The following AOPEP variants were observed in gnomAD, a reference collection of about 807,000 sequenced individuals.
AOPEP encodes the protein aminopeptidase O.
A neutral mutation model predicts 98.1 loss-of-function variants in AOPEP; 77 were observed. That is an observed-to-expected ratio of 0.78 (90% CI 0.65 to 0.95). The LOEUF (loss-of-function observed/expected upper bound fraction) is 0.95, where lower values mean the gene tolerates loss of function less well. Among genes scored for constraint, AOPEP ranks in the 40% least tolerant of loss-of-function variants. The probability of loss-of-function intolerance (pLI) is 0.00; values close to 1 mark genes in which losing one functional copy is unlikely to be tolerated. For missense variants in AOPEP, 1,024 were observed against 1,024.7 expected (o/e 1.00, Z 0.01); for synonymous variants, 346 against 365.3 (o/e 0.95, Z 0.60).
At chr9:94,755,982 A>G (rs890180164) in intron 1 of AOPEP, among the ~76,000 whole-genome samples, 1 of 152,014 alleles carries the variant, frequency 6.6e-6, no homozygotes, top group African/African-American at 2.4e-5. Flanking sequence ...ACCCTAGGCC[A>G]GGCAGGGTGG....
chr9:94,973,638 C>T (rs1032666798), intron 10 of AOPEP, among the ~76,000 whole-genome samples: 1 of 152,252 alleles, frequency 6.6e-6, no homozygotes, highest in African/African-American at 2.4e-5. Flanking sequence ...AAGCCACCTG[C>T]TGTTCCTCAT....
intron 5 of AOPEP, among the ~76,000 whole-genome samples, chr9:94,893,659 T>C (rs1455294447): frequency 3.9e-5 from 6 of 152,058 alleles, no homozygotes; most frequent in Admixed American, 3.3e-4. Flanking sequence ...CATAAACCCA[T>C]TGAATACAGA....
chr9:94,861,185 G>T (rs2044924334), intron 5 of AOPEP, among the ~76,000 whole-genome samples: 1 of 152,186 alleles, frequency 6.6e-6, no homozygotes, highest in Non-Finnish European at 1.5e-5. Context: ...AAGGCAAATT[G>T]TGGCTCTCGA....
intron 5 of AOPEP, among the ~76,000 whole-genome samples, chr9:94,877,138 AGGG>A (rs557256446): frequency 5.3e-4 from 80 of 152,284 alleles, no homozygotes; most frequent in Non-Finnish European, 9.3e-4. Context: ...GGGAATTTGT[AGGG>A]GAAGCTATTT....
chr9:95,049,766 A>G (rs1249259333), intron 13 of AOPEP, among the ~76,000 whole-genome samples: 2 of 152,232 alleles, frequency 1.3e-5, no homozygotes, highest in Non-Finnish European at 2.9e-5. Flanking sequence ...TAGAAAGCAC[A>G]TCTTAGGTTT....
chr9:95,126,394 C>CA, the AOPEP span: 24 of 868,916 alleles, frequency 2.8e-5, no homozygotes, highest in South Asian at 3.4e-4. Flanking sequence ...CCAAAAAGCT[C>CA]AGAGGAACAG....
intron 5 of AOPEP, among the ~76,000 whole-genome samples, chr9:94,804,416 G>T (rs561991853): frequency 4.1e-4 from 63 of 152,160 alleles, no homozygotes; most frequent in African/African-American, 1.5e-3. Flanking sequence ...ACTTATTTCA[G>T]AGTGGTTTTC....
intron 7 of AOPEP, among the ~76,000 whole-genome samples, chr9:94,946,601 A>C (rs562410971): frequency 6.6e-6 from 1 of 152,350 alleles, no homozygotes; most frequent in South Asian, 2.1e-4. Flanking sequence ...ACATCTGCGC[A>C]GTCCTCTTAG....
intron 13 of AOPEP, chr9:95,048,851 C>G (rs1448391356): frequency 6.6e-6 from 1 of 152,200 alleles, no homozygotes; most frequent in Non-Finnish European, 1.5e-5. Context: ...CAGGCAAACA[C>G]ACGTTCTGGG....
chr9:94,782,355 A>G (rs2133187053), intron 3 of AOPEP, among the ~76,000 whole-genome samples: 1 of 152,326 alleles, frequency 6.6e-6, no homozygotes, highest in South Asian at 2.1e-4. Flanking sequence ...GCCCTTGCAT[A>G]GGATCTGATT....
chr9:94,738,128 G>T (rs1832186209), intron 1 of AOPEP, among the ~76,000 whole-genome samples: 1 of 152,188 alleles, frequency 6.6e-6, no homozygotes, highest in African/African-American at 2.4e-5. Flanking sequence ...TGTACTTCAT[G>T]TACCTAGCCT....
chr9:95,074,951 G>A (rs913728318), intron 14 of AOPEP, among the ~76,000 whole-genome samples: 1 of 152,206 alleles, frequency 6.6e-6, no homozygotes, highest in African/African-American at 2.4e-5. Flanking sequence ...CCAGGGCAGA[G>A]GTGTGGGTGC....
At chr9:94,736,290 G>C (rs776630157) in intron 1 of AOPEP, among the ~76,000 whole-genome samples, 2 of 152,120 alleles carry the variant, frequency 1.3e-5, no homozygotes, top group Non-Finnish European at 2.9e-5. Context: ...CTAAGAGCTA[G>C]AGCAGCTACT....
chr9:94,903,067 GC>G (rs972296725), intron 5 of AOPEP, among the ~76,000 whole-genome samples: 1 of 150,356 alleles, frequency 6.7e-6, no homozygotes, highest in Non-Finnish European at 1.5e-5. Context: ...TGTAACCTCT[GC>G]CCCCCGGGTT....
the AOPEP span, among the ~76,000 whole-genome samples, chr9:95,134,169 G>A: frequency 6.6e-6 from 1 of 152,324 alleles, no homozygotes; most frequent in East Asian, 1.9e-4. Context: ...AAGGGGAAGG[G>A]TGAAAGGGGC....
At chr9:94,954,154 C>T (rs1261019246) in intron 7 of AOPEP, among the ~76,000 whole-genome samples, 1 of 152,132 alleles carries the variant, frequency 6.6e-6, no homozygotes, top group African/African-American at 2.4e-5. Context: ...GAAACCCCAT[C>T]TCTACAGAAA....
intron 5 of AOPEP, among the ~76,000 whole-genome samples, chr9:94,811,026 C>T (rs938460453): frequency 1.3e-5 from 2 of 152,212 alleles, no homozygotes; most frequent in Non-Finnish European, 2.9e-5. Context: ...AACCTGCCCC[C>T]TACCCCTGTC....
intron 5 of AOPEP, among the ~76,000 whole-genome samples, chr9:94,852,524 C>A (rs964732419): frequency 1.3e-5 from 2 of 152,120 alleles, no homozygotes; most frequent in Admixed American, 6.6e-5. Context: ...ACAGTGGGAT[C>A]GGATATCATG....
At chr9:95,137,781 C>A in the AOPEP span, among the ~76,000 whole-genome samples, 159 of 152,302 alleles carry the variant, frequency 1.0e-3, 1 homozygote, top group South Asian at 1.9e-3. Context: ...GGAGGAGGAG[C>A]AGCTGCAGAT....
Sources: allele counts gnomAD v4.1 joint callset (sites outside exome capture counted in the v4.1 genomes callset), GRCh38; gene constraint gnomAD v4.1.1; transcripts MANE v1.5; gene names NCBI Gene and HGNC (gene_info 2026-07-23, HGNC 2026-07-21).